The following COL11A1 variants were observed in gnomAD, a reference collection of about 807,000 sequenced individuals.
COL11A1 encodes collagen type XI alpha 1 chain.
A neutral mutation model predicts 265.2 loss-of-function variants in COL11A1; 74 were observed. That is an observed-to-expected ratio of 0.28 (90% confidence interval 0.23 to 0.34). COL11A1 has a LOEUF of 0.34. Among genes scored for constraint, COL11A1 ranks in the 10% least tolerant of loss-of-function variants. The probability of loss-of-function intolerance (pLI) is 1.00; values close to 1 mark genes in which losing one functional copy is unlikely to be tolerated. For synonymous variants in COL11A1, 816 were observed against 727.6 expected, an observed-to-expected ratio of 1.12 and a Z score of -1.96; for missense variants, 2,165 against 2,263.6, an observed-to-expected ratio of 0.96 and a Z score of 0.88.
At chr1:102,910,453 T>C (rs1654518335) in intron 54 of COL11A1, among the ~76,000 whole-genome samples, 1 of 152,120 alleles carries the variant, frequency 6.6e-6, no homozygotes, top group Non-Finnish European at 1.5e-5. Flanking sequence ...AGTAATGAAA[T>C]GAGCTGAGAA....
At chr1:102,898,402 T>C (rs1017732996) in intron 56 of COL11A1, among the ~76,000 whole-genome samples, 2 of 151,826 alleles carry the variant, frequency 1.3e-5, no homozygotes, top group African/African-American at 4.8e-5. Flanking sequence ...ATAGGTTATA[T>C]ATAAACATTT....
intron 11 of COL11A1, among the ~76,000 whole-genome samples, chr1:103,016,686 C>G (rs1383523024): frequency 6.6e-6 from 1 of 151,760 alleles, no homozygotes; most frequent in Non-Finnish European, 1.5e-5. Flanking sequence ...AAAGTTAACT[C>G]CTAGGAAAGT....
intron 4 of COL11A1, among the ~76,000 whole-genome samples, chr1:103,054,976 A>G (rs1670127779): frequency 6.6e-6 from 1 of 152,196 alleles, no homozygotes; most frequent in Non-Finnish European, 1.5e-5. Context: ...AAAGTATTTT[A>G]CAAACATTAA....
chr1:103,010,474 T>C (rs1666014339), intron 14 of COL11A1, among the ~76,000 whole-genome samples: 1 of 152,140 alleles, frequency 6.6e-6, no homozygotes, highest in Admixed American at 6.5e-5. Context: ...ACTTTGAGAA[T>C]GTGTTTATGG....
intron 4 of COL11A1, among the ~76,000 whole-genome samples, chr1:103,071,093 A>T (rs12737364): frequency 6.6e-6 from 1 of 151,892 alleles, no homozygotes; most frequent in South Asian, 2.1e-4. Flanking sequence ...TGAGGAGTTT[A>T]AAAAAATGCA....
Position 103,006,309 on chromosome 1 carries a change from G to A in COL11A1, c.1690C>T (p.Arg564Ter). ...GGACCAGGGGGACCCTGGACGCCTC[G>A]AGGGCCCTATATCAAGACATCATAA... ...ESGDPGPQGPRGVQGPPGPTG... is the reference protein window; with the variant it reads ...ESGDPGPQGP The change falls in exon 16 of 67, where the codon CGA (arginine) becomes TGA (stop). Residue 564 changes from arginine (R) to a stop codon, truncating the protein, a stop_gained. Coordinates refer to ENST00000370096, the MANE Select transcript of COL11A1 (RefSeq NM_001854.4). LOFTEE classifies it high-confidence loss of function. The A allele has an allele frequency of 6.2e-7, 1 of 1,608,104 alleles. No individual in the cohort carries two copies. The highest frequency in any genetic ancestry group is 8.5e-7 in the Non-Finnish European group (1 of 1,176,906).
intron 14 of COL11A1, among the ~76,000 whole-genome samples, chr1:103,010,917 C>T (rs896613580): frequency 1.3e-5 from 2 of 152,086 alleles, no homozygotes; most frequent in Non-Finnish European, 2.9e-5. Context: ...TCAGGCTGGT[C>T]TCGAACTCCC....
At chr1:102,974,677 T>C (rs1263194129) in intron 36 of COL11A1, among the ~76,000 whole-genome samples, 153 bp downstream of exon 36, 2 of 152,186 alleles carry the variant, frequency 1.3e-5, no homozygotes, top group African/African-American at 4.8e-5. Flanking sequence ...ATGAACCTTA[T>C]AAATTAAAAA....
intron 54 of COL11A1, among the ~76,000 whole-genome samples, chr1:102,899,882 C>A (rs1053975753): frequency 6.6e-6 from 1 of 151,934 alleles, no homozygotes; most frequent in African/African-American, 2.4e-5. Flanking sequence ...GTGAATATAT[C>A]CCAGCCTTTT....
intron 14 of COL11A1, among the ~76,000 whole-genome samples, chr1:103,010,825 C>A (rs556172412): frequency 6.6e-6 from 1 of 151,882 alleles, no homozygotes; most frequent in Admixed American, 6.6e-5. Flanking sequence ...CTCAGCCTCC[C>A]GAGTAGCTGG....
At chr1:103,089,903 A>G (rs1009916693) in intron 1 of COL11A1, among the ~76,000 whole-genome samples, 4 of 152,212 alleles carry the variant, frequency 2.6e-5, no homozygotes, top group African/African-American at 9.6e-5. Context: ...AGGTGGGTGG[A>G]TCACGAGGTC....
At chr1:102,984,215 C>A (rs758714356) in intron 30 of COL11A1, 24 bp from the exon 31 acceptor site, 5 of 1,445,142 alleles carry the variant, frequency 3.5e-6, no homozygotes, top group South Asian at 1.2e-5. Context: ...ATATAATAAT[C>A]AAAGTAATAT....
intron 4 of COL11A1, among the ~76,000 whole-genome samples, chr1:103,071,922 C>T (rs12742761): frequency 0.038 from 5,655 of 150,472 alleles, 126 homozygotes; most frequent in Middle Eastern, 0.094. Context: ...ACTGTACATA[C>T]ATCAGCTCAT....
intron 54 of COL11A1, among the ~76,000 whole-genome samples, chr1:102,908,544 C>A (rs1210550834): frequency 6.6e-6 from 1 of 152,026 alleles, no homozygotes; most frequent in East Asian, 1.9e-4. Flanking sequence ...GAACTGAATT[C>A]TGTTAAATGA....
At chr1:102,906,195 T>C (rs1026656749) in intron 54 of COL11A1, among the ~76,000 whole-genome samples, 26 of 152,108 alleles carry the variant, frequency 1.7e-4, no homozygotes, top group African/African-American at 5.8e-4. Context: ...AAATTAGTTA[T>C]TATGCCTGCT....
intron 4 of COL11A1, among the ~76,000 whole-genome samples, chr1:103,048,038 C>T (rs1286091245): frequency 6.6e-6 from 1 of 152,206 alleles, no homozygotes; most frequent in Non-Finnish European, 1.5e-5. Context: ...CATCAATGTT[C>T]ATCAAGGATA....
intron 44 of COL11A1, among the ~76,000 whole-genome samples, chr1:102,936,648 C>T (rs557443186): frequency 3.3e-5 from 5 of 152,238 alleles, no homozygotes; most frequent in Admixed American, 3.3e-4. Context: ...ATTGTGTCAA[C>T]ACTTTGAGGA....
chr1:102,935,188 G>A, intron 44 of COL11A1, 75 bp from the exon 45 acceptor site: 15 of 1,254,116 alleles, frequency 1.2e-5, no homozygotes, highest in Non-Finnish European at 1.7e-5. Context: ...AGAACATTTA[G>A]CCTACCAAGA....
chr1:103,046,069 CA>C (rs1484802446), intron 4 of COL11A1, among the ~76,000 whole-genome samples: 1 of 151,340 alleles, frequency 6.6e-6, no homozygotes, highest in Non-Finnish European at 1.5e-5. Flanking sequence ...AATAGTGCTG[CA>C]ATAAACATAC....
Sources: allele counts gnomAD v4.1 joint callset (sites outside exome capture counted in the v4.1 genomes callset), GRCh38; gene constraint gnomAD v4.1.1; transcripts MANE v1.5; gene names NCBI Gene and HGNC (gene_info 2026-07-23, HGNC 2026-07-21).